The following FNIP1 variants were observed in gnomAD, a reference collection of about 807,000 sequenced individuals.
FNIP1 encodes folliculin interacting protein 1, also known as folliculin-interacting protein 1.
In FNIP1, 40 loss-of-function variants were observed where a neutral mutation model predicts 124.5. The observed-to-expected ratio is 0.32, with a 90% CI of 0.25 to 0.42. The LOEUF (loss-of-function observed/expected upper bound fraction) is 0.42. Among genes scored for constraint, FNIP1 ranks in the 10% least tolerant of loss-of-function variants. The probability of loss-of-function intolerance (pLI) is 1.00; values close to 1 mark genes in which losing one functional copy is unlikely to be tolerated. For missense variants in FNIP1, 1,176 were observed against 1,403.7 expected (o/e 0.84, Z 2.59); for synonymous variants, 472 against 470.6 (o/e 1.00, Z -0.04).
intron 1 of FNIP1, among the ~76,000 whole-genome samples, chr5:131,788,694 C>CAAAA (rs10715343): frequency 3.3e-4 from 19 of 57,956 alleles, no homozygotes; most frequent in East Asian, 1.7e-3. Flanking sequence ...GACTCTGTCT[C>CAAAA]AAAAAAAAAA....
At chr5:131,647,390 A>G (rs968189992) in intron 16 of FNIP1, among the ~76,000 whole-genome samples, 185 bp from the exon 17 acceptor site, 1 of 150,514 alleles carries the variant, frequency 6.6e-6, no homozygotes, top group African/African-American at 2.5e-5. Context: ...TTTCTGGCTC[A>G]TATCAAAGAT....
intron 1 of FNIP1, among the ~76,000 whole-genome samples, chr5:131,776,113 T>C (rs1580829754): frequency 6.6e-6 from 1 of 152,186 alleles, no homozygotes; most frequent in South Asian, 2.1e-4. Context: ...TCCAGAAAGT[T>C]TGACAAAATG....
At chr5:131,778,097 G>T (rs1436568880) in intron 1 of FNIP1, among the ~76,000 whole-genome samples, 2 of 151,938 alleles carry the variant, frequency 1.3e-5, no homozygotes, top group African/African-American at 4.8e-5. Context: ...TTTGGCTCAC[G>T]CTTGTAATCC....
intron 15 of FNIP1, among the ~76,000 whole-genome samples, chr5:131,660,070 T>C (rs1026895540): frequency 6.6e-6 from 1 of 152,218 alleles, no homozygotes; most frequent in Non-Finnish European, 1.5e-5. Context: ...ACCTTCCACA[T>C]GCCAGAGCCA....
intron 3 of FNIP1, among the ~76,000 whole-genome samples, chr5:131,725,040 G>C (rs1769813162): frequency 6.6e-6 from 1 of 152,108 alleles, no homozygotes; most frequent in Non-Finnish European, 1.5e-5. Flanking sequence ...TGAGGCCTCT[G>C]TTCTGTTCCA....
At chr5:131,749,659 T>C (rs1023305676) in intron 1 of FNIP1, among the ~76,000 whole-genome samples, 4 of 152,210 alleles carry the variant, frequency 2.6e-5, no homozygotes, top group African/African-American at 9.6e-5. Flanking sequence ...CCCAAAGTGC[T>C]GGGATTACAG....
In FNIP1 at chr5:131,719,918, T is replaced by C. The variant is rs553277702; in HGVS notation, c.355-501A>G. On this transcript the variant is annotated intron_variant, in intron 3 of 17. Coordinates refer to ENST00000510461, the MANE Select transcript of FNIP1 (RefSeq NM_133372.3). ...TATTTCTGTAAAGACATATCTGTGA[T>C]CTACAGTTTCAATACTATGCCTATG... Among the ~76,000 whole-genome samples the C allele has an allele frequency of 2.6e-4, 39 of 152,344 alleles. No individual in the cohort carries two copies. The South Asian group carries it at 2.7e-3, about 11-fold the overall frequency.
intron 3 of FNIP1, among the ~76,000 whole-genome samples, chr5:131,724,357 C>T (rs1769782337): frequency 6.6e-6 from 1 of 152,186 alleles, no homozygotes; most frequent in African/African-American, 2.4e-5. Context: ...TTCTCCACAT[C>T]CTATCCAGCA....
rs1263526324 is a variant in FNIP1, at chr5:131,643,418, C to G, written c.*1267G>C. On this transcript the variant is annotated 3_prime_UTR_variant, in exon 18 of 18. Coordinates refer to ENST00000510461, the MANE Select transcript of FNIP1 (RefSeq NM_133372.3). ...ACTTTACTACTAGCATTAAAAGTCT[C>G]TTAGACCAGATAAGCAAAGAATAAA... 2.6e-5 allele frequency: 4 copies of G among 152,646 alleles called. No homozygotes were observed. The highest frequency in any genetic ancestry group is 5.9e-5 in the Non-Finnish European group (4 of 68,012). The allele number at this position is 152,646 out of a possible 1,614,324, so 9.5% of individuals were successfully genotyped here.
At chr5:131,715,600 C>T (rs1490129624) in intron 6 of FNIP1, among the ~76,000 whole-genome samples, 1 of 152,082 alleles carries the variant, frequency 6.6e-6, no homozygotes, top group South Asian at 2.1e-4. Context: ...TTCTTTGTCA[C>T]ATTTTTCCTT....
At chr5:131,705,017 A>G (rs1171008402) in intron 9 of FNIP1, among the ~76,000 whole-genome samples, 1 of 152,198 alleles carries the variant, frequency 6.6e-6, no homozygotes, top group African/African-American at 2.4e-5. Context: ...AATGTAAAAA[A>G]AATTTACAAA....
Position 131,671,816 on chromosome 5 carries a change from T to G in FNIP1, c.2628A>C (p.Lys876Asn). The change falls in exon 14 of 18, where the codon AAA becomes AAC. Residue 876 changes from lysine to asparagine, a missense_variant. Lys to Asn is a moderately conservative substitution (Grantham distance 94). Around this residue, in one of 2 missense-constraint regions of FNIP1, gnomAD observed 1,109 missense variants for 1,288.5 expected, o/e 0.86. Coordinates refer to ENST00000510461, the MANE Select transcript of FNIP1 (RefSeq NM_133372.3). ...MLEFSKILCT[K>N]NNKQNNEFCK... ...AAAATTCATTGTTCTGCTTGTTATT[T>G]TTTGTACACAATATTTTTGAAAACT... The G allele has an allele frequency of 1.9e-6, 3 of 1,614,052 alleles. No homozygotes were observed. Among genetic ancestry groups the G allele is most frequent in the Non-Finnish European group, 2.5e-6 (3 of 1,180,024 alleles).
intron 15 of FNIP1, among the ~76,000 whole-genome samples, chr5:131,652,941 G>A (rs1301090514): frequency 2.0e-5 from 3 of 152,076 alleles, no homozygotes; most frequent in African/African-American, 7.2e-5. Context: ...TCCAGTGTGG[G>A]TCAAAGAGTA....
At chr5:131,748,578 T>A (rs1209134155) in intron 1 of FNIP1, among the ~76,000 whole-genome samples, 1 of 151,270 alleles carries the variant, frequency 6.6e-6, no homozygotes, top group African/African-American at 2.4e-5. Context: ...GCACCTGTAG[T>A]CCCAGCTACT....
chr5:131,727,155 C>G (rs1769907465), intron 3 of FNIP1, among the ~76,000 whole-genome samples: 1 of 152,134 alleles, frequency 6.6e-6, no homozygotes, highest in African/African-American at 2.4e-5. Flanking sequence ...CTGCAGATGT[C>G]TATTAGGTCT....
At chr5:131,796,428 G>A (rs768372015) in intron 1 of FNIP1, 18 of 201,182 alleles carry the variant, frequency 8.9e-5, no homozygotes, top group African/African-American at 1.9e-4. Flanking sequence ...ACTGGTCACG[G>A]GGAGGAGGGG....
At chr5:131,678,919 A>G (rs965504606) in intron 12 of FNIP1, 110 bp downstream of exon 12, 2 of 735,530 alleles carry the variant, frequency 2.7e-6, no homozygotes, top group African/African-American at 3.6e-5. Flanking sequence ...CTGATTATTA[A>G]TTTTGATTAA....
In FNIP1 at chr5:131,652,342, A is replaced by C. The variant is rs144661587; in HGVS notation, c.3109-343T>G. Among the ~76,000 whole-genome samples, 159 of 152,266 alleles carry C rather than the reference A, an allele frequency of 1.0e-3. 1 individual carries two copies. In the East Asian group the frequency reaches 0.025, roughly 24 times the overall value. ...TGAAAGAAAATGTTTTTTTACCCTG[A>C]AAGAGACAAACATTTTATTTTATTT... is the stretch of plus-strand genomic sequence containing the variant. On this transcript the variant is annotated intron_variant, in intron 15 of 17. Coordinates refer to ENST00000510461, the MANE Select transcript of FNIP1 (RefSeq NM_133372.3).
intron 16 of FNIP1, among the ~76,000 whole-genome samples, chr5:131,649,932 A>G (rs1766995586): frequency 6.6e-6 from 1 of 152,148 alleles, no homozygotes; most frequent in South Asian, 2.1e-4. Flanking sequence ...CTAAACTTAT[A>G]TGTGAGGGTT....
Sources: gnomAD v4.1 joint callset for allele counts (sites outside exome capture counted in the v4.1 genomes callset) on GRCh38, gnomAD v4.1.1 for gene constraint, gnomAD v4.1.1 regional missense constraint, MANE v1.5 for transcripts, NCBI Gene and HGNC (gene_info 2026-07-23, HGNC 2026-07-21) for gene names.